ARID3B: variants seen among roughly 807,000 people sequenced by gnomAD.
The protein encoded by ARID3B is AT-rich interactive domain-containing protein 3B.
ARID3B carries 10 observed loss-of-function variants against 51.9 expected under a neutral mutation model. That is an observed-to-expected ratio of 0.19 (90% CI 0.12 to 0.33). ARID3B has a LOEUF of 0.33. ARID3B is among the 10% of genes least tolerant of loss of function. The probability of loss-of-function intolerance (pLI) is 1.00; values close to 1 mark genes in which losing one functional copy is unlikely to be tolerated. For synonymous variants in ARID3B, 205 were observed against 279.5 expected, an observed-to-expected ratio of 0.73 and a Z score of 2.66; for missense variants, 483 against 716.3, an observed-to-expected ratio of 0.67 and a Z score of 3.72.
Position 74,562,149 on chromosome 15 carries a change from C to G in ARID3B, c.553-10713C>G, listed in dbSNP as rs1259194469. ...ATTTTCTTTTCTTTTCTTTTCTTTT[C>G]TTTTTTTTGTGAGTTGAAGTCTTGC... On this transcript the variant is annotated intron_variant, in intron 2 of 8. Transcript: ENST00000346246. Among the ~76,000 whole-genome samples the G allele has an allele frequency of 3.4e-5, 5 of 148,442 alleles. No homozygotes were observed. The Admixed American group carries it at 3.4e-4, about 10-fold the overall frequency.
At position 74,597,341 on chromosome 15, in the gene ARID3B, G is replaced by C; in HGVS notation, c.*1567G>C. 1 of 416,992 alleles carries C rather than the reference G, an allele frequency of 2.4e-6. No homozygotes were observed. Among genetic ancestry groups the C allele is most frequent in the Non-Finnish European group, 4.5e-6 (1 of 221,302 alleles). 25.8% of individuals were successfully genotyped at this position (416,992 alleles called of 1,614,324 possible). A position where few individuals can be genotyped will look rare whatever the true frequency, so the allele number is the denominator to read the frequency against. ...GGGCTGTGGCAGTGGGAGACACCGCGCGTGGCGTGGGTGTGTGTGGCAGCG... is the reference window on the plus strand; with the variant it reads ...GGGCTGTGGCAGTGGGAGACACCGCCCGTGGCGTGGGTGTGTGTGGCAGCG... On this transcript the variant is annotated 3_prime_UTR_variant, in exon 9 of 9. Coordinates refer to ENST00000346246, the MANE Select transcript of ARID3B (RefSeq NM_006465.4).
chr15:74,572,987 T>TA, intron 3 of ARID3B, 54 bp downstream of exon 3: 1 of 1,603,490 alleles, frequency 6.2e-7, no homozygotes, highest in Non-Finnish European at 8.5e-7. Context: ...AGTGGCTTGT[T>TA]ACAGCTGATT....
intron 4 of ARID3B, among the ~76,000 whole-genome samples, chr15:74,587,656 A>C (rs2061786259): frequency 6.6e-6 from 1 of 152,100 alleles, no homozygotes; most frequent in South Asian, 2.1e-4. Context: ...GTGTGGACTC[A>C]AGGCCATGGG....
chr15:74,593,012 G>C, intron 7 of ARID3B, 126 bp from the exon 8 acceptor site: 1 of 714,476 alleles, frequency 1.4e-6, no homozygotes, highest in Non-Finnish European at 2.3e-6. Context: ...ACACTCAGGA[G>C]AAGGTTACAT....
chr15:74,555,958 A>AT (rs2061655994), intron 2 of ARID3B, among the ~76,000 whole-genome samples: 1 of 151,258 alleles, frequency 6.6e-6, no homozygotes, highest in South Asian at 2.1e-4. Flanking sequence ...TGCCCGGCTA[A>AT]TTTTTTGGTA....
At chr15:74,565,294 C>G (rs2061693506) in intron 2 of ARID3B, among the ~76,000 whole-genome samples, 1 of 152,118 alleles carries the variant, frequency 6.6e-6, no homozygotes. Flanking sequence ...TTAAGCAGTC[C>G]TTCCACCTCA....
intron 4 of ARID3B, among the ~76,000 whole-genome samples, chr15:74,585,116 T>G (rs1388259557): frequency 6.6e-6 from 1 of 152,166 alleles, no homozygotes; most frequent in African/African-American, 2.4e-5. Context: ...TCCACAGGCT[T>G]CCCCATCAGG....
intron 2 of ARID3B, among the ~76,000 whole-genome samples, chr15:74,549,876 G>A (rs1197111809): frequency 2.0e-5 from 3 of 152,192 alleles, no homozygotes; most frequent in Non-Finnish European, 4.4e-5. Flanking sequence ...GTAGACCAGG[G>A]ATGCTGCTAA....
intron 8 of ARID3B, among the ~76,000 whole-genome samples, chr15:74,594,167 T>C (rs2061814572): frequency 6.6e-6 from 1 of 152,004 alleles, no homozygotes; most frequent in Admixed American, 6.5e-5. Context: ...AGCACAGCAT[T>C]GCTGGGCGCG....
intron 8 of ARID3B, 47 bp from the exon 9 acceptor site, chr15:74,595,564 C>G (rs1250339834): frequency 6.3e-7 from 1 of 1,588,940 alleles, no homozygotes; most frequent in South Asian, 1.2e-5. Context: ...CTGGCCCTCC[C>G]CTTCGCTCTT....
At chr15:74,592,814 T>G (rs2061808805) in intron 7 of ARID3B, among the ~76,000 whole-genome samples, 1 of 152,158 alleles carries the variant, frequency 6.6e-6, no homozygotes, top group Non-Finnish European at 1.5e-5. Context: ...GGGCCTGGTG[T>G]ATAGTGTAGT....
At chr15:74,575,812 AC>A (rs1277143455) in intron 4 of ARID3B, among the ~76,000 whole-genome samples, 1 of 152,166 alleles carries the variant, frequency 6.6e-6, no homozygotes, top group Non-Finnish European at 1.5e-5. Flanking sequence ...GCCACTTGTT[AC>A]TTTAATAAAA....
intron 4 of ARID3B, among the ~76,000 whole-genome samples, chr15:74,579,872 T>TGTGTGCGC (rs1488209764): frequency 4.1e-4 from 49 of 118,978 alleles, no homozygotes; most frequent in African/African-American, 7.2e-4. Flanking sequence ...TGTGTGTGTG[T>TGTGTGCGC]GCGCGCGCGC....
intron 8 of ARID3B, among the ~76,000 whole-genome samples, chr15:74,594,244 C>T (rs559732544): frequency 3.6e-4 from 55 of 152,078 alleles, no homozygotes; most frequent in Non-Finnish European, 6.9e-4. Flanking sequence ...GTCAGGATAT[C>T]GAGACCATCC....
chr15:74,576,480 C>T (rs919791556), intron 4 of ARID3B, among the ~76,000 whole-genome samples: 1 of 152,124 alleles, frequency 6.6e-6, no homozygotes, highest in East Asian at 1.9e-4. Context: ...CATAGTGAGA[C>T]CTTCTCTCTA....
intron 2 of ARID3B, among the ~76,000 whole-genome samples, chr15:74,564,801 C>T (rs568459080): frequency 2.6e-5 from 4 of 151,836 alleles, no homozygotes; most frequent in African/African-American, 4.8e-5. Context: ...GGGGTTTCAC[C>T]ATGTTGCCAG....
intron 8 of ARID3B, among the ~76,000 whole-genome samples, chr15:74,593,768 C>A (rs147731399): frequency 4.6e-5 from 7 of 152,142 alleles, no homozygotes; most frequent in Non-Finnish European, 1.0e-4. Flanking sequence ...TGACTGGGCA[C>A]GGTGGCTGAT....
chr15:74,555,080 GA>G (rs2061652568), intron 2 of ARID3B, among the ~76,000 whole-genome samples: 1 of 152,272 alleles, frequency 6.6e-6, no homozygotes, highest in Middle Eastern at 3.4e-3. Flanking sequence ...TAATATGTAT[GA>G]AAACAACTCT....
chr15:74,545,130 T>C (rs762408266), intron 2 of ARID3B, among the ~76,000 whole-genome samples: 1 of 152,250 alleles, frequency 6.6e-6, no homozygotes, highest in East Asian at 1.9e-4. Context: ...TTACAGCTTT[T>C]CTAATAATAA....
Sources: allele counts gnomAD v4.1 joint callset (sites outside exome capture counted in the v4.1 genomes callset), GRCh38; gene constraint gnomAD v4.1.1; transcripts MANE v1.5; gene names NCBI Gene and HGNC (gene_info 2026-07-23, HGNC 2026-07-21).